Variants in SLC15A5 observed in about 807,000 individuals in gnomAD.
SLC15A5 encodes the protein Peptide/histidine transporter ENSP00000340402.
SLC15A5 carries 58 observed loss-of-function variants against 56.1 expected under a neutral mutation model. The observed-to-expected ratio is 1.03, with a 90% CI of 0.84 to 1.29. The LOEUF (loss-of-function observed/expected upper bound fraction) is 1.29. Among genes scored for constraint, SLC15A5 ranks in the 50% most tolerant of loss-of-function variants. The pLI, the probability that SLC15A5 is intolerant of heterozygous loss-of-function variation, is 0.00. For synonymous variants in SLC15A5, 264 were observed against 250.5 expected (o/e 1.05, Z -0.51); for missense variants, 681 against 672.1 (o/e 1.01, Z -0.15).
chr12:16,247,271 A>C (rs919920341), intron 3 of SLC15A5, among the ~76,000 whole-genome samples: 14 of 152,226 alleles, frequency 9.2e-5, no homozygotes, highest in Admixed American at 9.2e-4. Flanking sequence ...AAAATGGTCA[A>C]GAAAGAAGAA....
At chr12:16,248,758 TA>T (rs1326622766) in intron 3 of SLC15A5, among the ~76,000 whole-genome samples, 11 of 152,030 alleles carry the variant, frequency 7.2e-5, no homozygotes, top group Non-Finnish European at 1.5e-4. Context: ...GCTCAGCCTT[TA>T]AAAAAGTCCA....
At chr12:16,204,381 C>T (rs770525680) in intron 7 of SLC15A5, among the ~76,000 whole-genome samples, 8 of 150,174 alleles carry the variant, frequency 5.3e-5, no homozygotes, top group African/African-American at 7.4e-5. Context: ...TGCTTGAACC[C>T]GGGAGGCAGA....
At chr12:16,261,052 G>GT (rs894314183) in intron 2 of SLC15A5, among the ~76,000 whole-genome samples, 54 of 145,138 alleles carry the variant, frequency 3.7e-4, no homozygotes, top group East Asian at 8.1e-4. Flanking sequence ...CTTTTCTCTT[G>GT]TTTTTTTTTT....
At chr12:16,191,289 A>ATT (rs139569947) in intron 8 of SLC15A5, among the ~76,000 whole-genome samples, 6,717 of 152,130 alleles carry the variant, frequency 0.044, 202 homozygotes, top group African/African-American at 0.071. Flanking sequence ...TAACAATAAG[A>ATT]TTGTATCAGA....
intron 4 of SLC15A5, among the ~76,000 whole-genome samples, chr12:16,242,701 A>G (rs1046749379): frequency 6.6e-6 from 1 of 152,230 alleles, no homozygotes; most frequent in Non-Finnish European, 1.5e-5. Context: ...TTTATGTTCA[A>G]TTAAAAAATA....
intron 8 of SLC15A5, among the ~76,000 whole-genome samples, chr12:16,190,210 T>C (rs1275759313): frequency 6.6e-6 from 1 of 151,868 alleles, no homozygotes; most frequent in South Asian, 2.1e-4. Flanking sequence ...AAAGAAGGAG[T>C]CTATGAATAT....
intron 3 of SLC15A5, among the ~76,000 whole-genome samples, chr12:16,245,890 A>G (rs1174415546): frequency 6.6e-6 from 1 of 152,206 alleles, no homozygotes; most frequent in African/African-American, 2.4e-5. Context: ...TGTTTAAATA[A>G]AGAATATGTA....
Position 16,271,992 on chromosome 12 carries a change from T to G in SLC15A5, c.584+569A>C, listed in dbSNP as rs142184920. Among the ~76,000 whole-genome samples the G allele has an allele frequency of 9.9e-4, 151 of 152,284 alleles. No individual in the cohort carries two copies. The highest frequency in any genetic ancestry group is 3.5e-3 in the African/African-American group (144 of 41,560). On this transcript the variant is annotated intron_variant, in intron 2 of 8. Coordinates refer to ENST00000344941, the MANE Select transcript of SLC15A5 (RefSeq NM_001170798.1). The surrounding 1 kb of genome is among the most constrained non-coding windows in gnomAD (Gnocchi z 8.0). The stretch of plus-strand genomic sequence containing the variant: ...ATGCTTTAACAAATTGCAAAATACT[T>G]CTTTCATCTTTGCATCTTCTCTCTG...
intron 7 of SLC15A5, among the ~76,000 whole-genome samples, chr12:16,205,594 T>TACACAC (rs1334790214): frequency 2.6e-5 from 1 of 38,436 alleles, no homozygotes; most frequent in Non-Finnish European, 4.9e-5. Flanking sequence ...TATATATACA[T>TACACAC]ATACACACAC....
intron 7 of SLC15A5, among the ~76,000 whole-genome samples, chr12:16,200,420 T>C (rs2136239666): frequency 6.6e-6 from 1 of 152,066 alleles, no homozygotes; most frequent in African/African-American, 2.4e-5. Flanking sequence ...GAAAAAATGA[T>C]ATATACGTAA....
At chr12:16,274,351 G>C (rs79436085) in intron 1 of SLC15A5, among the ~76,000 whole-genome samples, 1 of 151,846 alleles carries the variant, frequency 6.6e-6, no homozygotes. Context: ...TTGATGATTC[G>C]ATTAGTGAAA....
Position 16,189,822 on chromosome 12 carries a change from A to G in SLC15A5, c.1593-7T>C, listed in dbSNP as rs1432707671. The stretch of plus-strand genomic sequence containing the variant: ...ATGATTTAGATTACAATATCTAAAA[A>G]AGAAAGAAAGAAAGCTTTTCTTAGG... On this transcript the variant is annotated splice_polypyrimidine_tract_variant and splice_region_variant and intron_variant, in intron 8 of 8. Coordinates refer to ENST00000344941, the MANE Select transcript of SLC15A5 (RefSeq NM_001170798.1). 6.8e-7 allele frequency: 1 copy of G among 1,464,626 alleles called. No homozygotes were observed. The highest frequency in any genetic ancestry group is 9.0e-7 in the Non-Finnish European group (1 of 1,110,378). The allele number at this position is 1,464,626 out of a possible 1,614,324, so 90.7% of individuals were successfully genotyped here.
chr12:16,230,776 A>T (rs940491915), intron 5 of SLC15A5, among the ~76,000 whole-genome samples: 2 of 133,822 alleles, frequency 1.5e-5, no homozygotes, highest in Non-Finnish European at 3.3e-5. Flanking sequence ...AAAAAAAAAT[A>T]GCCGGGCGTG....
intron 7 of SLC15A5, among the ~76,000 whole-genome samples, chr12:16,204,372 G>C (rs1203831237): frequency 6.6e-6 from 1 of 151,388 alleles, no homozygotes; most frequent in South Asian, 2.1e-4. Context: ...TGTGAGAATT[G>C]CTTGAACCCG....
At chr12:16,209,603 C>T (rs1216227746) in intron 7 of SLC15A5, among the ~76,000 whole-genome samples, 2 of 152,058 alleles carry the variant, frequency 1.3e-5, no homozygotes, top group Non-Finnish European at 2.9e-5. Context: ...ATTCTTCTTC[C>T]AGCTTTTTCC....
At chr12:16,208,349 C>G (rs1002647478) in intron 7 of SLC15A5, among the ~76,000 whole-genome samples, 2 of 152,120 alleles carry the variant, frequency 1.3e-5, no homozygotes, top group African/African-American at 4.8e-5. Context: ...AGCAGGTATT[C>G]TTATCAGAAA....
Position 16,257,689 on chromosome 12 carries a change from T to C in SLC15A5, c.754+12A>G. 6.9e-7 allele frequency: 1 copy of C among 1,445,938 alleles called. No homozygotes were observed. The highest frequency in any genetic ancestry group is 9.0e-7 in the Non-Finnish European group (1 of 1,106,146). 89.6% of individuals were successfully genotyped at this position (1,445,938 alleles called of 1,614,324 possible). On this transcript the variant is annotated intron_variant, in intron 3 of 8. Transcript: ENST00000344941. ...TAAACCCAGAAATCAATGTAACGCATAATTTACTTACGTTTTTCTGACTGA... is the reference window on the plus strand; with the variant it reads ...TAAACCCAGAAATCAATGTAACGCACAATTTACTTACGTTTTTCTGACTGA...
intron 3 of SLC15A5, among the ~76,000 whole-genome samples, chr12:16,251,970 C>T (rs913067766): frequency 6.6e-6 from 1 of 151,862 alleles, no homozygotes; most frequent in African/African-American, 2.4e-5. Flanking sequence ...GGAATTTATA[C>T]CTGGAATTCA....
At chr12:16,214,342 G>A (rs1023095726) in intron 7 of SLC15A5, among the ~76,000 whole-genome samples, 2 of 152,132 alleles carry the variant, frequency 1.3e-5, no homozygotes, top group Non-Finnish European at 2.9e-5. Context: ...TGTTATTTAG[G>A]GTGGGACCCT....
Sources: allele counts gnomAD v4.1 joint callset (sites outside exome capture counted in the v4.1 genomes callset), GRCh38; gene constraint gnomAD v4.1.1; non-coding constraint Gnocchi (gnomAD v3.1); transcripts MANE v1.5; gene names NCBI Gene and HGNC (gene_info 2026-07-23, HGNC 2026-07-21).